The following GTPBP3 variants were observed in gnomAD, a reference collection of about 807,000 sequenced individuals.
GTPBP3 encodes 5-taurinomethyluridine-[tRNA] synthase subunit GTPB3, mitochondrial.
GTPBP3 carries 35 observed loss-of-function variants against 42.0 expected under a neutral mutation model. The ratio of observed to expected loss-of-function variants is 0.83; its 90% CI spans 0.64 to 1.10. GTPBP3 has a LOEUF of 1.10. Among genes scored for constraint, GTPBP3 ranks in the 50% least tolerant of loss-of-function variants. The pLI, the probability that GTPBP3 is intolerant of heterozygous loss-of-function variation, is 0.00. For missense variants in GTPBP3, 691 were observed against 685.2 expected, an observed-to-expected ratio of 1.01 and a Z score of -0.09; for synonymous variants, 332 against 314.9, an observed-to-expected ratio of 1.05 and a Z score of -0.58.
intron 6 of GTPBP3, 28 bp downstream of exon 6, chr19:17,339,294 G>A (rs778870846): frequency 1.9e-6 from 3 of 1,588,034 alleles, no homozygotes; most frequent in African/African-American, 1.3e-5. Flanking sequence ...AGGGGGCGGG[G>A]CCTAGTGCCA....
Position 17,337,616 on chromosome 19 carries a change from G to A in GTPBP3, c.5G>A (p.Trp2Ter). The change falls in exon 1 of 9, where the codon TGG becomes TAG. Residue 2 changes from tryptophan (W) to a stop codon, truncating the protein, a stop_gained. Transcript: ENST00000324894. LOFTEE classifies it high-confidence loss of function. The part of the protein sequence containing the change: M[W>*]RGLWTLAAQA... ...CGGGTCGCAGGTTGTAAATCCATGT[G>A]GCGGGGGCTTTGGACCCTGGCGGCC... 1 of 1,328,884 alleles carries A rather than the reference G, an allele frequency of 7.5e-7. No homozygotes were observed. Among genetic ancestry groups the A allele is most frequent in the East Asian group, 3.0e-5 (1 of 33,066 alleles). 82.3% of individuals were successfully genotyped at this position (1,328,884 alleles called of 1,614,324 possible).
upstream of GTPBP3, among the ~76,000 whole-genome samples, chr19:17,335,518 C>A (rs1383446740): frequency 6.6e-6 from 1 of 152,104 alleles, no homozygotes; most frequent in Non-Finnish European, 1.5e-5. Flanking sequence ...TGAGATCACA[C>A]CCACTGCACT....
At position 17,341,704 on chromosome 19, in the gene GTPBP3, C is replaced by T. The variant is rs764966057; in HGVS notation, c.*1C>T. 5.7e-6 allele frequency: 9 copies of T among 1,569,704 alleles called. No homozygotes were observed. The highest frequency in any genetic ancestry group is 1.8e-4 in the Middle Eastern group (1 of 5,522). The stretch of plus-strand genomic sequence containing the variant: ...CCAGGACTTCTGTGTGGGCAAGTGA[C>T]GGGATCCAGGGAAGTCGCACCCAAG... On this transcript the variant is annotated 3_prime_UTR_variant, in exon 9 of 9. Transcript: ENST00000324894.
At position 17,338,000 on chromosome 19, in the gene GTPBP3, G is replaced by A. The variant is rs757975616; in HGVS notation, c.54-8G>A. On this transcript the variant is annotated splice_region_variant and splice_polypyrimidine_tract_variant and intron_variant, in intron 1 of 8. Coordinates refer to ENST00000324894, the MANE Select transcript of GTPBP3 (RefSeq NM_032620.4). ...AGGTGCGCTGATTCGCCTCCCCTCC[G>A]GTTCCAGATTGTGCACGCGCCGGAG... 7 of 1,596,140 alleles carry A rather than the reference G, an allele frequency of 4.4e-6. No individual in the cohort carries two copies. In the Admixed American group the frequency reaches 5.0e-5, roughly 11 times the overall value.
rs1458319831 is a variant in GTPBP3 at position 17,341,649 on chromosome 19, G to A, written c.1425G>A (p.Gly475=). The A allele has an allele frequency of 1.5e-5, 24 of 1,608,194 alleles. No homozygotes were observed. Among genetic ancestry groups the A allele is most frequent in the Non-Finnish European group, 2.0e-5 (24 of 1,175,936 alleles). ...ACCTGACCCGGCTCACAGGTGGAGG[G>A]GGTACCGAGGAGATCCTGGACATCA... is the stretch of plus-strand genomic sequence containing the variant. ...RGHLTRLTGG[G]GTEEILDIIF... Residue 475 remains glycine (G), a synonymous_variant, in exon 9 of 9, where the codon GGG becomes GGA. Coordinates refer to ENST00000324894, the MANE Select transcript of GTPBP3 (RefSeq NM_032620.4).
At position 17,338,015 on chromosome 19, in the gene GTPBP3, A is replaced by T. The variant is rs1376033790; in HGVS notation, c.61A>T (p.Thr21Ser). Residue 21 changes from threonine to serine, a missense_variant, in exon 2 of 9, where the codon ACG becomes TCG. Transcript: ENST00000324894. The stretch of plus-strand genomic sequence containing the variant: ...CCTCCCCTCCGGTTCCAGATTGTGC[A>T]CGCGCCGGAGCAGCGGCGCACCAGC... Reference protein sequence around the residue: ...QAARGPRRLCTRRSSGAPAPG... With the variant: ...QAARGPRRLCSRRSSGAPAPG... 3.1e-6 allele frequency: 5 copies of T among 1,597,394 alleles called. No individual in the cohort carries two copies. The highest frequency in any genetic ancestry group is 4.2e-6 in the Non-Finnish European group (5 of 1,179,398).
At chr19:17,338,508 C>G (rs1315401303) in intron 3 of GTPBP3, 31 bp from the exon 4 acceptor site, 4 of 1,612,594 alleles carry the variant, frequency 2.5e-6, no homozygotes, top group East Asian at 4.5e-5. Context: ...GGGTGGGGAC[C>G]AGGGGGTGTC....
At chr19:17,339,690 C>A in intron 7 of GTPBP3, 91 bp downstream of exon 7, 10 of 1,232,986 alleles carry the variant, frequency 8.1e-6, no homozygotes, top group South Asian at 1.4e-5. Context: ...CTTCCTGAAT[C>A]AGAGAACCTG....
chr19:17,340,114 A>G (rs997051814), intron 7 of GTPBP3, among the ~76,000 whole-genome samples: 2 of 151,830 alleles, frequency 1.3e-5, no homozygotes, highest in African/African-American at 4.8e-5. Flanking sequence ...GGCTCACTGC[A>G]ACCTCCGCCT....
At position 17,337,679 on chromosome 19, in the gene GTPBP3, G is replaced by A. The variant is rs2145699049; in HGVS notation, c.53+15G>A. On this transcript the variant is annotated intron_variant, in intron 1 of 8. Coordinates refer to ENST00000324894, the MANE Select transcript of GTPBP3 (RefSeq NM_032620.4). ...GGGCCTCGCAGGTGGGGCTACAGGGGAAGGGGTGCGACAGCTTGGGGTGCT... is the reference window on the plus strand; with the variant it reads ...GGGCCTCGCAGGTGGGGCTACAGGGAAAGGGGTGCGACAGCTTGGGGTGCT... The A allele has an allele frequency of 3.7e-6, 5 of 1,359,810 alleles. No homozygotes were observed. The highest frequency in any genetic ancestry group is 4.7e-6 in the Non-Finnish European group (5 of 1,053,138). 84.2% of individuals were successfully genotyped at this position (1,359,810 alleles called of 1,614,324 possible).
chr19:17,338,119 C>T lies in GTPBP3; in HGVS notation c.165C>T (p.Gly55=). The part of the protein sequence containing the change: ...RCGIAVIRTS[G]PASGHALRIL... ...GCATCGCAGTGATCCGGACCAGCGG[C>T]CCCGCCAGCGGCCACGCCCTCCGAA... Residue 55 remains glycine (G), a synonymous_variant, in exon 2 of 9, where the codon GGC becomes GGT. Coordinates refer to ENST00000324894, the MANE Select transcript of GTPBP3 (RefSeq NM_032620.4). 6.3e-7 allele frequency: 1 copy of T among 1,595,548 alleles called. No homozygotes were observed. Among genetic ancestry groups the T allele is most frequent in the Non-Finnish European group, 8.5e-7 (1 of 1,178,160 alleles).
chr19:17,335,616 G>A (rs1163619752), upstream of GTPBP3, among the ~76,000 whole-genome samples: 1 of 152,014 alleles, frequency 6.6e-6, no homozygotes, highest in Admixed American at 6.6e-5. Context: ...GTCTACATGG[G>A]ACATACTAGT....
rs1599561604 is a variant in GTPBP3 at position 17,340,426 on chromosome 19, C to T, written c.975-618C>T. Among the ~76,000 whole-genome samples, 9 of 152,152 alleles carry T rather than the reference C, an allele frequency of 5.9e-5. 1 individual carries two copies. In the South Asian group the frequency reaches 1.9e-3, roughly 31 times the overall value. On this transcript the variant is annotated intron_variant, in intron 7 of 8. Coordinates refer to ENST00000324894, the MANE Select transcript of GTPBP3 (RefSeq NM_032620.4). ...TCCGCCCAGCCCTCACGTTCTGCCC[C>T]GCCCTCTCGTGCTCTGTCCCGCCCT...
chr19:17,337,651 C>T lies in GTPBP3; in HGVS notation c.40C>T (p.Arg14Cys). 7.5e-7 allele frequency: 1 copy of T among 1,336,920 alleles called. No homozygotes were observed. 82.8% of individuals were successfully genotyped at this position (1,336,920 alleles called of 1,614,324 possible). A position where few individuals can be genotyped will look rare whatever the true frequency, so the allele number is the denominator to read the frequency against. ...GLWTLAAQAA[R>C]GPRRLCTRRS... ...TTGGACCCTGGCGGCCCAAGCGGCA[C>T]GTGGGCCTCGCAGGTGGGGCTACAG... The change falls in exon 1 of 9, where the codon CGT becomes TGT. Residue 14 changes from arginine to cysteine, a missense_variant. Coordinates refer to ENST00000324894, the MANE Select transcript of GTPBP3 (RefSeq NM_032620.4).
chr19:17,338,712 T>A lies in GTPBP3; in HGVS notation c.562T>A (p.Cys188Ser). 1 of 1,612,454 alleles carries A rather than the reference T, an allele frequency of 6.2e-7. No individual in the cohort carries two copies. The change falls in exon 4 of 9, where the codon TGC becomes AGC. Residue 188 changes from cysteine to serine, a missense_variant. Physicochemically the swap from Cys to Ser is moderately radical, Grantham distance 112. Coordinates refer to ENST00000324894, the MANE Select transcript of GTPBP3 (RefSeq NM_032620.4). Reference sequence around the variant, plus strand: ...GCTGGACGGAGAGCTGGGCCACCTCTGCCGTGGCTGGGCCGAGACCCTCAC... The same window carrying A: ...GCTGGACGGAGAGCTGGGCCACCTCAGCCGTGGCTGGGCCGAGACCCTCAC... ...RQLDGELGHLCRGWAETLTKA... is the reference protein window; with the variant it reads ...RQLDGELGHLSRGWAETLTKA...
rs140166079 is a variant in GTPBP3 at position 17,341,604 on chromosome 19, G to T, written c.1380G>T (p.Ala460=). The part of the protein sequence containing the change: ...QSKDLALAAE[A]LRVARGHLTR... Reference sequence around the variant, plus strand: ...AAGACCTGGCCCTGGCGGCAGAGGCGCTGCGGGTGGCCCGGGGTCACCTGA... The same window carrying T: ...AAGACCTGGCCCTGGCGGCAGAGGCTCTGCGGGTGGCCCGGGGTCACCTGA... The change falls in exon 9 of 9, where the codon GCG becomes GCT. Residue 460 remains alanine (A), a synonymous_variant. Coordinates refer to ENST00000324894, the MANE Select transcript of GTPBP3 (RefSeq NM_032620.4). 1.9e-5 allele frequency: 31 copies of T among 1,613,854 alleles called. No individual in the cohort carries two copies. The African/African-American group carries it at 2.8e-4, about 15-fold the overall frequency.
rs770135879 is a variant in GTPBP3, at chr19:17,341,733, C to T, written c.*30C>T. 3 of 1,525,370 alleles carry T rather than the reference C, an allele frequency of 2.0e-6. No homozygotes were observed. The highest frequency in any genetic ancestry group is 2.8e-5 in the African/African-American group (2 of 72,514). The allele number at this position is 1,525,370 out of a possible 1,614,324, so 94.5% of individuals were successfully genotyped here. A position where few individuals can be genotyped will look rare whatever the true frequency, so the allele number is the denominator to read the frequency against. ...ATCCAGGGAAGTCGCACCCAAGCTGCGTGGAGACCCAGGAGCCTCGGGGGA... is the reference window on the plus strand; with the variant it reads ...ATCCAGGGAAGTCGCACCCAAGCTGTGTGGAGACCCAGGAGCCTCGGGGGA... On this transcript the variant is annotated 3_prime_UTR_variant, in exon 9 of 9. Coordinates refer to ENST00000324894, the MANE Select transcript of GTPBP3 (RefSeq NM_032620.4).
rs376033224 is a variant in GTPBP3 at position 17,339,192 on chromosome 19, G to C, written c.734G>C (p.Arg245Thr). 4 of 1,613,588 alleles carry C rather than the reference G, an allele frequency of 2.5e-6. No homozygotes were observed. Among genetic ancestry groups the C allele is most frequent in the Non-Finnish European group, 3.4e-6 (4 of 1,180,018 alleles). The change falls in exon 6 of 9, where the codon AGG becomes ACG. Residue 245 changes from arginine (R) to threonine (T), a missense_variant. Transcript: ENST00000324894. Reference sequence around the variant, plus strand: ...CTACGAGATGCCAGGCGCGGGCAGAGGCTCCGCTCAGGGGTGCACGTAGTG... The same window carrying C: ...CTACGAGATGCCAGGCGCGGGCAGACGCTCCGCTCAGGGGTGCACGTAGTG... The part of the protein sequence containing the change: ...AHLRDARRGQ[R>T]LRSGVHVVVT...
intron 8 of GTPBP3, 65 bp from the exon 9 acceptor site, chr19:17,341,413 A>T: frequency 6.4e-7 from 1 of 1,567,088 alleles, no homozygotes; most frequent in Middle Eastern, 1.8e-4. Flanking sequence ...AATGGGTACA[A>T]CCATTTCCCC....
Sources: gnomAD v4.1 joint callset for allele counts (sites outside exome capture counted in the v4.1 genomes callset) on GRCh38, gnomAD v4.1.1 for gene constraint, MANE v1.5 for transcripts, NCBI Gene and HGNC (gene_info 2026-07-23, HGNC 2026-07-21) for gene names.